Variants in RBFOX3 observed in about 807,000 individuals in gnomAD.
RBFOX3 encodes RNA binding fox-1 homolog 3, also known as RNA binding protein fox-1 homolog 3.
In RBFOX3, 17 loss-of-function variants were observed where a neutral mutation model predicts 48.7. The observed-to-expected ratio is 0.35, with a 90% CI of 0.24 to 0.52. RBFOX3 has a LOEUF of 0.52. Among genes scored for constraint, RBFOX3 ranks in the 20% least tolerant of loss-of-function variants. The pLI is 0.94. For missense variants in RBFOX3, 382 were observed against 497.5 expected, an observed-to-expected ratio of 0.77 and a Z score of 2.21; for synonymous variants, 212 against 209.5, an observed-to-expected ratio of 1.01 and a Z score of -0.10.
chr17:79,657,865 C>G, the RBFOX3 span, among the ~76,000 whole-genome samples: 1 of 152,202 alleles, frequency 6.6e-6, no homozygotes, highest in African/African-American at 2.4e-5. Flanking sequence ...GGCTTAAGCT[C>G]TCTCAGGCAA....
chr17:79,293,417 T>TTCCTTCCG (rs2073753851), intron 3 of RBFOX3, among the ~76,000 whole-genome samples: 2 of 14,336 alleles, frequency 1.4e-4, no homozygotes. Context: ...CACCCCTTCC[T>TTCCTTCCG]TCCTTCCTTC....
chr17:79,620,641 A>ACATG, the RBFOX3 span, among the ~76,000 whole-genome samples: 13 of 25,252 alleles, frequency 5.1e-4, no homozygotes, highest in Admixed American at 7.7e-3. Context: ...ACGCACACGC[A>ACATG]CACACACGGA....
chr17:79,552,025 A>C (rs1036622580), intron 1 of RBFOX3, among the ~76,000 whole-genome samples: 58 of 152,206 alleles, frequency 3.8e-4, no homozygotes, highest in African/African-American at 1.4e-3. Context: ...GGACTCAAAC[A>C]TTTGTATTTC....
rs878898361 is a variant in RBFOX3 at position 79,097,617 on chromosome 17, G to A, written c.622+75C>T. On this transcript the variant is annotated intron_variant, in intron 10 of 14. Transcript: ENST00000693108. Reference sequence around the variant, plus strand: ...CACCTGGCCCCGCCCCTCATGCCCCGCCCCCAGAGCCCCCGGAGCCCCACG... The same window carrying A: ...CACCTGGCCCCGCCCCTCATGCCCCACCCCCAGAGCCCCCGGAGCCCCACG... The A allele has an allele frequency of 1.9e-5, 7 of 366,814 alleles. No homozygotes were observed. In the African/African-American group the frequency reaches 2.0e-4, roughly 11 times the overall value. The allele number at this position is 366,814 out of a possible 1,614,324, so 22.7% of individuals were successfully genotyped here. A position where few individuals can be genotyped will look rare whatever the true frequency, so the allele number is the denominator to read the frequency against.
intron 3 of RBFOX3, among the ~76,000 whole-genome samples, chr17:79,246,869 G>T (rs8072946): frequency 2.3e-3 from 357 of 152,120 alleles, no homozygotes; most frequent in African/African-American, 8.1e-3. Flanking sequence ...GGATGGGGGT[G>T]GGGGGAGAAC....
intron 2 of RBFOX3, among the ~76,000 whole-genome samples, chr17:79,356,998 C>T (rs2085277909): frequency 6.6e-6 from 1 of 152,150 alleles, no homozygotes; most frequent in Non-Finnish European, 1.5e-5. Flanking sequence ...TAAAGTGTCC[C>T]CCTGAGCACT....
At chr17:79,229,562 A>AC (rs1440898282) in intron 4 of RBFOX3, among the ~76,000 whole-genome samples, 1 of 147,562 alleles carries the variant, frequency 6.8e-6, no homozygotes, top group Non-Finnish European at 1.5e-5. Context: ...CCATCTCAAA[A>AC]AAAAAAAAAA....
rs948859201 is a variant in RBFOX3, at chr17:79,204,399, C to T, written c.-34+31367G>A. ...GTCTGAACAGAGGAGAGATTACTGACGTGAAAGTAACTTCTCATGACTCAG... is the reference window on the plus strand; with the variant it reads ...GTCTGAACAGAGGAGAGATTACTGATGTGAAAGTAACTTCTCATGACTCAG... On this transcript the variant is annotated intron_variant, in intron 4 of 14. Transcript: ENST00000693108. The surrounding 1 kb of genome is among the most constrained non-coding windows in gnomAD (Gnocchi z 4.5). Among the ~76,000 whole-genome samples, 7 of 152,264 alleles carry T rather than the reference C, an allele frequency of 4.6e-5. No individual in the cohort carries two copies. Among genetic ancestry groups the T allele is most frequent in the South Asian group, 2.1e-4 (1 of 4,824 alleles).
At chr17:79,512,224 G>A in intron 1 of RBFOX3, among the ~76,000 whole-genome samples, 1 of 143,320 alleles carries the variant, frequency 7.0e-6, no homozygotes, top group Non-Finnish European at 1.5e-5. Context: ...CGCACACCCG[G>A]ATACATGTTA....
rs1465862653 is a variant in RBFOX3, at chr17:79,547,823, G to C, written c.-320+63003C>G. ...TGGACAAGGCTTGGGTTGGGTACCT[G>C]GGCTGTACTCGCACCCACACCGATT... On this transcript the variant is annotated intron_variant, in intron 1 of 14. Transcript: ENST00000693108. Among the ~76,000 whole-genome samples the C allele has an allele frequency of 4.8e-5, 7 of 147,304 alleles. No homozygotes were observed. In the East Asian group the frequency reaches 1.4e-3, roughly 29 times the overall value.
intron 1 of RBFOX3, among the ~76,000 whole-genome samples, chr17:79,504,789 A>G (rs1187906325): frequency 1.3e-5 from 2 of 152,200 alleles, no homozygotes; most frequent in Non-Finnish European, 2.9e-5. Context: ...ATATAAAGTA[A>G]CATCCATCGG....
intron 2 of RBFOX3, among the ~76,000 whole-genome samples, chr17:79,457,167 G>A: frequency 6.6e-6 from 1 of 152,242 alleles, no homozygotes; most frequent in East Asian, 1.9e-4. Flanking sequence ...CTGAGCAGAA[G>A]GCCTGGGCCC....
rs934332517 is a variant in RBFOX3, at chr17:79,243,031, A to G, written c.-73-7226T>C. Among the ~76,000 whole-genome samples the G allele has an allele frequency of 4.1e-5, 6 of 145,816 alleles. No homozygotes were observed. The highest frequency in any genetic ancestry group is 9.2e-5 in the Non-Finnish European group (6 of 65,012). ...ATGTATGCCAGGCTACCTGCTGGGGACTGTGTTTTTCTGGGGTTATGCCAT... is the reference window on the plus strand; with the variant it reads ...ATGTATGCCAGGCTACCTGCTGGGGGCTGTGTTTTTCTGGGGTTATGCCAT... On this transcript the variant is annotated intron_variant, in intron 3 of 14. Coordinates refer to ENST00000693108, the MANE Select transcript of RBFOX3 (RefSeq NM_001350451.2). The surrounding 1 kb of genome is among the most constrained non-coding windows in gnomAD (Gnocchi z 7.9).
chr17:79,601,962 C>T (rs1599267605), intron 1 of RBFOX3: 2 of 152,310 alleles, frequency 1.3e-5, no homozygotes, highest in East Asian at 3.9e-4. Flanking sequence ...GACGTATTTT[C>T]CAACACAAAG....
At chr17:79,611,130 T>TCTCTCTCTCTCTCTCTCTCTCTCTCTCTC (rs1491548376), upstream of RBFOX3, among the ~76,000 whole-genome samples, 245 of 37,812 alleles carry the variant, frequency 6.5e-3, 111 homozygotes, top group South Asian at 0.024. Flanking sequence ...TCCGCCCTCC[T>TCTCTCTCTCTCTCTCTCTCTCTCTCTCTC]TCTCTCTCTC....
intron 3 of RBFOX3, among the ~76,000 whole-genome samples, chr17:79,291,965 A>G (rs1411559670): frequency 6.6e-6 from 1 of 152,144 alleles, no homozygotes; most frequent in Non-Finnish European, 1.5e-5. Flanking sequence ...GGTTGGAGGC[A>G]TGGGTTTAAC....
chr17:79,225,637 T>G (rs1286265484), intron 4 of RBFOX3, among the ~76,000 whole-genome samples: 1 of 152,176 alleles, frequency 6.6e-6, no homozygotes, highest in African/African-American at 2.4e-5. Context: ...ACTCTGGAAC[T>G]CCTCACAGCC....
At position 79,372,103 on chromosome 17, in the gene RBFOX3, G is replaced by A. The variant is rs540609283; in HGVS notation, c.-174-64279C>T. Among the ~76,000 whole-genome samples, 75 of 151,996 alleles carry A rather than the reference G, an allele frequency of 4.9e-4. 1 individual carries two copies. Among genetic ancestry groups the A allele is most frequent in the Non-Finnish European group, 8.8e-4 (60 of 67,950 alleles). ...GCACCCTCTAAACGCCAGTAACTGC[G>A]AGGATGACTGTGGCCACGGCAGCCC... is the stretch of plus-strand genomic sequence containing the variant. On this transcript the variant is annotated intron_variant, in intron 2 of 14. Transcript: ENST00000693108.
chr17:79,289,774 A>C (rs575387503), intron 3 of RBFOX3, among the ~76,000 whole-genome samples: 7 of 152,362 alleles, frequency 4.6e-5, no homozygotes, highest in Non-Finnish European at 1.0e-4. Context: ...GGATTTATAT[A>C]AAAAGGGGAT....
Sources: gnomAD v4.1 joint callset for allele counts (sites outside exome capture counted in the v4.1 genomes callset) on GRCh38, gnomAD v4.1.1 for gene constraint, Gnocchi (gnomAD v3.1) non-coding constraint, MANE v1.5 for transcripts, NCBI Gene and HGNC (gene_info 2026-07-23, HGNC 2026-07-21) for gene names.